THRAP3: variants seen among roughly 807,000 people sequenced by gnomAD.
The protein encoded by THRAP3 is thyroid hormone receptor associated protein 3.
Under a neutral mutation model 101.0 loss-of-function variants are expected in THRAP3, and 16 were observed. The ratio of observed to expected loss-of-function variants is 0.16; its 90% CI spans 0.11 to 0.24. The LOEUF is 0.24. Ranked by LOEUF, THRAP3 falls within the 10% of genes least tolerant of loss-of-function variation. The probability of loss-of-function intolerance (pLI) is 1.00; values close to 1 mark genes in which losing one functional copy is unlikely to be tolerated. For synonymous variants in THRAP3, 407 were observed against 422.6 expected, an observed-to-expected ratio of 0.96 and a Z score of 0.45; for missense variants, 989 against 1,202.7, an observed-to-expected ratio of 0.82 and a Z score of 2.63.
At chr1:36,241,132 A>G (rs1414838348) in intron 1 of THRAP3, among the ~76,000 whole-genome samples, 1 of 145,328 alleles carries the variant, frequency 6.9e-6, no homozygotes, top group African/African-American at 2.5e-5. Context: ...GCGTGAACCC[A>G]GGAGGCGGAG....
At chr1:36,291,123 G>T (rs1275013023) in intron 5 of THRAP3, among the ~76,000 whole-genome samples, 1 of 152,008 alleles carries the variant, frequency 6.6e-6, no homozygotes, top group Non-Finnish European at 1.5e-5. Flanking sequence ...TCATTTGTTG[G>T]GTGTGTTAAA....
intron 1 of THRAP3, among the ~76,000 whole-genome samples, chr1:36,234,743 G>C (rs1184988401): frequency 6.7e-6 from 1 of 149,240 alleles, no homozygotes; most frequent in Non-Finnish European, 1.5e-5. Flanking sequence ...AATGGTGAAT[G>C]CTTTGTCTTA....
intron 2 of THRAP3, among the ~76,000 whole-genome samples, chr1:36,260,656 A>G (rs1480365204): frequency 2.0e-5 from 3 of 151,808 alleles, no homozygotes; most frequent in Non-Finnish European, 2.9e-5. Flanking sequence ...CCCCATCTCT[A>G]CTAAAAATAC....
chr1:36,229,099 A>AT (rs992046665), intron 1 of THRAP3, among the ~76,000 whole-genome samples: 4 of 151,776 alleles, frequency 2.6e-5, no homozygotes, highest in African/African-American at 4.8e-5. Flanking sequence ...AAGGGAACTA[A>AT]TTTTTTTTTA....
chr1:36,261,178 A>T (rs1311717696), intron 2 of THRAP3, among the ~76,000 whole-genome samples: 2 of 152,170 alleles, frequency 1.3e-5, no homozygotes, highest in South Asian at 2.1e-4. Flanking sequence ...AGGGCAGATC[A>T]CTTGAGGCCA....
At chr1:36,233,094 C>T (rs1310312554) in intron 1 of THRAP3, among the ~76,000 whole-genome samples, 4 of 151,604 alleles carry the variant, frequency 2.6e-5, no homozygotes, top group Non-Finnish European at 5.9e-5. Flanking sequence ...GTCTTGAACT[C>T]CTGACCTCAG....
At position 36,304,087 on chromosome 1, in the gene THRAP3, CAG is replaced by C; in HGVS notation, c.*73_*74del. The C allele has an allele frequency of 6.9e-7, 1 of 1,443,314 alleles. No homozygotes were observed. The highest frequency in any genetic ancestry group is 9.1e-7 in the Non-Finnish European group (1 of 1,096,560). The allele number at this position is 1,443,314 out of a possible 1,614,324, so 89.4% of individuals were successfully genotyped here. On this transcript the variant is annotated 3_prime_UTR_variant, in exon 12 of 12. Coordinates refer to ENST00000354618, the MANE Select transcript of THRAP3 (RefSeq NM_005119.4). The stretch of plus-strand genomic sequence containing the variant: ...GGAAGATGGCTGGTGAGGAGCTTAA[CAG>C]AGGAACCTCAAGAAGATTCTGAAAA...
At chr1:36,259,205 T>C (rs1287964362) in intron 1 of THRAP3, among the ~76,000 whole-genome samples, 177 bp from the exon 2 acceptor site, 3 of 152,216 alleles carry the variant, frequency 2.0e-5, no homozygotes, top group Non-Finnish European at 4.4e-5. Flanking sequence ...GGAGGTTAGA[T>C]GAATGAAAAC....
At chr1:36,273,903 C>T (rs150438837) in intron 2 of THRAP3, among the ~76,000 whole-genome samples, 8 of 152,056 alleles carry the variant, frequency 5.3e-5, no homozygotes, top group Non-Finnish European at 1.0e-4. Context: ...ATCAGCTGGG[C>T]GTGGTAGCAC....
intron 3 of THRAP3, among the ~76,000 whole-genome samples, chr1:36,285,834 C>T (rs554154328): frequency 1.3e-5 from 2 of 152,314 alleles, no homozygotes; most frequent in Non-Finnish European, 2.9e-5. Context: ...ATACTTTTAA[C>T]GATCCCAAGC....
At chr1:36,258,771 C>G (rs543713681) in intron 1 of THRAP3, among the ~76,000 whole-genome samples, 2 of 152,272 alleles carry the variant, frequency 1.3e-5, no homozygotes, top group South Asian at 4.1e-4. Context: ...GAGCCACTGC[C>G]CCTGTAATAA....
At position 36,293,883 on chromosome 1, in the gene THRAP3, A is replaced by G. The variant is rs754984838; in HGVS notation, c.2063A>G (p.Lys688Arg). The G allele has an allele frequency of 1.2e-6, 2 of 1,613,816 alleles. No homozygotes were observed. Among genetic ancestry groups the G allele is most frequent in the Non-Finnish European group, 1.7e-6 (2 of 1,179,798 alleles). ...GACATTTCCCCCAGTACATTCAGAA[A>G]ACATGGTTTGGCTCATGATGAAATG... ...RIDISPSTFR[K>R]HGLAHDEMKS... The change falls in exon 8 of 12, where the codon AAA becomes AGA. Residue 688 changes from lysine to arginine, a missense_variant. Lys to Arg is a conservative substitution (Grantham distance 26). Coordinates refer to ENST00000354618, the MANE Select transcript of THRAP3 (RefSeq NM_005119.4).
chr1:36,292,505 C>T (rs571587194), intron 6 of THRAP3, 93 bp from the exon 7 acceptor site: 12 of 845,200 alleles, frequency 1.4e-5, no homozygotes, highest in Admixed American at 4.5e-5. Flanking sequence ...CTCTTGACCT[C>T]GTGATCTGCC....
chr1:36,231,527 G>T (rs1645027525), intron 1 of THRAP3, among the ~76,000 whole-genome samples: 1 of 152,186 alleles, frequency 6.6e-6, no homozygotes, highest in African/African-American at 2.4e-5. Context: ...AACAACTAAG[G>T]TTATTCTATT....
At chr1:36,268,481 TC>T (rs1267860361) in intron 2 of THRAP3, among the ~76,000 whole-genome samples, 1 of 152,134 alleles carries the variant, frequency 6.6e-6, no homozygotes, top group African/African-American at 2.4e-5. Flanking sequence ...TTAAAGTACT[TC>T]AGAGGTTATT....
intron 4 of THRAP3, 70 bp from the exon 5 acceptor site, chr1:36,288,990 G>A (rs1645830380): frequency 4.2e-6 from 6 of 1,411,846 alleles, no homozygotes; most frequent in Middle Eastern, 2.6e-4. Context: ...AACCAAAAAC[G>A]GTAAGGCACT....
intron 2 of THRAP3, among the ~76,000 whole-genome samples, chr1:36,274,583 T>C (rs1248617835): frequency 6.6e-6 from 1 of 150,778 alleles, no homozygotes; most frequent in Non-Finnish European, 1.5e-5. Context: ...AGAATAAAAT[T>C]GAGAGTCCGG....
chr1:36,217,684 T>G, the THRAP3 span, among the ~76,000 whole-genome samples: 1 of 152,212 alleles, frequency 6.6e-6, no homozygotes, highest in Admixed American at 6.5e-5. Flanking sequence ...TTATTATATC[T>G]GTTATGGTGA....
chr1:36,224,937 C>G (rs141581665), intron 1 of THRAP3: 19 of 152,416 alleles, frequency 1.2e-4, no homozygotes, highest in African/African-American at 4.3e-4. Flanking sequence ...GGCTGCCACT[C>G]AGTAAATGTT....
Sources: gnomAD v4.1 joint callset for allele counts (sites outside exome capture counted in the v4.1 genomes callset) on GRCh38, gnomAD v4.1.1 for gene constraint, MANE v1.5 for transcripts, NCBI Gene and HGNC (gene_info 2026-07-23, HGNC 2026-07-21) for gene names.